The following CHRM3 variants were observed in gnomAD, a reference collection of about 807,000 sequenced individuals.
The protein encoded by CHRM3 is muscarinic acetylcholine receptor M3.
A neutral mutation model predicts 41.8 loss-of-function variants in CHRM3; 11 were observed. The observed-to-expected ratio is 0.26, with a 90% CI of 0.17 to 0.44. CHRM3 has a LOEUF of 0.44. CHRM3 is among the 20% of genes least tolerant of loss of function. The pLI, the probability that CHRM3 is intolerant of heterozygous loss-of-function variation, is 1.00. For synonymous variants in CHRM3, 297 were observed against 301.4 expected, an observed-to-expected ratio of 0.99 and a Z score of 0.15; for missense variants, 571 against 745.4, an observed-to-expected ratio of 0.77 and a Z score of 2.72.
At chr1:239,844,500 T>G (rs1306803683) in intron 6 of CHRM3, among the ~76,000 whole-genome samples, 1 of 152,170 alleles carries the variant, frequency 6.6e-6, no homozygotes, top group East Asian at 1.9e-4. Context: ...CATTTAAGAA[T>G]AAATTTGGTG....
intron 2 of CHRM3, among the ~76,000 whole-genome samples, chr1:239,540,225 T>TG (rs1572649052): frequency 6.6e-6 from 1 of 152,232 alleles, no homozygotes; most frequent in East Asian, 1.9e-4. Context: ...TGTTGACTAC[T>TG]TTATCTTAAC....
chr1:239,668,457 A>G (rs1186689818), intron 4 of CHRM3, among the ~76,000 whole-genome samples: 3 of 152,082 alleles, frequency 2.0e-5, no homozygotes, highest in African/African-American at 7.2e-5. Flanking sequence ...GTTTAGTCTG[A>G]GCATTGCTTC....
At chr1:239,561,136 G>A (rs1037476498) in intron 3 of CHRM3, among the ~76,000 whole-genome samples, 5 of 152,072 alleles carry the variant, frequency 3.3e-5, no homozygotes, top group East Asian at 1.9e-4. Context: ...CCTGTTTTCC[G>A]CAGGACCACT....
intron 1 of CHRM3, among the ~76,000 whole-genome samples, chr1:239,470,776 T>A (rs1666062095): frequency 6.6e-6 from 1 of 152,224 alleles, no homozygotes; most frequent in Non-Finnish European, 1.5e-5. Flanking sequence ...GGCATTGTTT[T>A]GTGTTTTTAT....
At chr1:239,792,937 CTT>C (rs1241860688) in intron 5 of CHRM3, among the ~76,000 whole-genome samples, 4 of 148,526 alleles carry the variant, frequency 2.7e-5, no homozygotes, top group African/African-American at 1.1e-4. Flanking sequence ...AAATGATCAT[CTT>C]TTATAACACA....
At chr1:239,866,223 A>G (rs1411736712) in intron 6 of CHRM3, among the ~76,000 whole-genome samples, 3 of 151,980 alleles carry the variant, frequency 2.0e-5, no homozygotes, top group Non-Finnish European at 4.4e-5. Context: ...TAAAAATACA[A>G]AAAATTAGCC....
intron 6 of CHRM3, among the ~76,000 whole-genome samples, chr1:239,888,384 A>G (rs957149203): frequency 3.3e-5 from 5 of 151,808 alleles, no homozygotes; most frequent in Non-Finnish European, 7.4e-5. Context: ...AAAAAGGAAA[A>G]AAGAAAAAAG....
At chr1:239,883,509 C>T (rs1421603136) in intron 6 of CHRM3, among the ~76,000 whole-genome samples, 3 of 152,120 alleles carry the variant, frequency 2.0e-5, no homozygotes, top group Admixed American at 6.5e-5. Context: ...TGCTTGCTCT[C>T]TATGTGCTGA....
At chr1:239,754,281 A>T (rs1666064350) in intron 5 of CHRM3, among the ~76,000 whole-genome samples, 1 of 152,226 alleles carries the variant, frequency 6.6e-6, no homozygotes, top group African/African-American at 2.4e-5. Flanking sequence ...GAACCTAAAC[A>T]TCATTTGCAT....
chr1:239,809,492 T>A (rs536135499), intron 5 of CHRM3, among the ~76,000 whole-genome samples: 1 of 152,028 alleles, frequency 6.6e-6, no homozygotes, highest in South Asian at 2.1e-4. Context: ...GTTTTTTTAT[T>A]GTTTTTTGTT....
At chr1:239,830,636 G>A (rs1457906145) in intron 6 of CHRM3, among the ~76,000 whole-genome samples, 2 of 152,168 alleles carry the variant, frequency 1.3e-5, no homozygotes, top group Non-Finnish European at 2.9e-5. Flanking sequence ...CCCAGGAGGC[G>A]GAGGTTGCAG....
At chr1:239,896,782 T>C (rs550402993) in intron 6 of CHRM3, among the ~76,000 whole-genome samples, 1 of 152,342 alleles carries the variant, frequency 6.6e-6, no homozygotes, top group Non-Finnish European at 1.5e-5. Flanking sequence ...GTAGCACATT[T>C]TCCCCAGGTT....
chr1:239,890,481 G>A (rs1035524647), intron 6 of CHRM3, among the ~76,000 whole-genome samples: 7 of 152,110 alleles, frequency 4.6e-5, no homozygotes, highest in African/African-American at 1.4e-4. Context: ...CTGAGCATCA[G>A]TGTCCTCATA....
intron 5 of CHRM3, among the ~76,000 whole-genome samples, chr1:239,725,909 A>G (rs1454554709): frequency 1.3e-5 from 2 of 151,968 alleles, no homozygotes; most frequent in Admixed American, 1.3e-4. Context: ...ATTAAGCAGT[A>G]TTATAAAATA....
rs573375669 is a variant in CHRM3 at position 239,494,096 on chromosome 1, G to T, written c.-422+1289G>T. 9.9e-5 allele frequency among the ~76,000 whole-genome samples: 15 copies of T among 152,274 alleles called. No individual in the cohort carries two copies. In the East Asian group the frequency reaches 1.7e-3, roughly 18 times the overall value. ...TAATTACATGTAAATTCAAAGGCAG[G>T]TTAATTCAAATTGAGGGATGCATTA... On this transcript the variant is annotated intron_variant, in intron 2 of 6. Transcript: ENST00000676153.
At chr1:239,684,270 T>G (rs1658856281) in intron 5 of CHRM3, among the ~76,000 whole-genome samples, 1 of 152,116 alleles carries the variant, frequency 6.6e-6, no homozygotes, top group Admixed American at 6.6e-5. Context: ...TAACAGGTAT[T>G]GATGCAGACT....
At chr1:239,547,770 T>C (rs1659434419) in intron 3 of CHRM3, among the ~76,000 whole-genome samples, 1 of 152,204 alleles carries the variant, frequency 6.6e-6, no homozygotes, top group African/African-American at 2.4e-5. Flanking sequence ...AGGACTTTCA[T>C]AAATGTGCTC....
chr1:239,611,324 A>T (rs1391787843), intron 3 of CHRM3, among the ~76,000 whole-genome samples: 1 of 151,778 alleles, frequency 6.6e-6, no homozygotes, highest in Admixed American at 6.6e-5. Flanking sequence ...ACACTCTGAT[A>T]TGCTCATTTT....
chr1:239,662,918 T>TCTTCTTCTTCTTCTTCTTCTTCTC (rs1558431514), intron 4 of CHRM3, among the ~76,000 whole-genome samples: 1 of 148,340 alleles, frequency 6.7e-6, no homozygotes, highest in African/African-American at 2.5e-5. Context: ...TTCTTCTTCT[T>TCTTCTTCTTCTTCTTCTTCTTCTC]CTTCTTCTTC....
Sources: gnomAD v4.1 joint callset for allele counts (sites outside exome capture counted in the v4.1 genomes callset) on GRCh38, gnomAD v4.1.1 for gene constraint, MANE v1.5 for transcripts, NCBI Gene and HGNC (gene_info 2026-07-23, HGNC 2026-07-21) for gene names.